Variants in NT5M observed in about 807,000 individuals in gnomAD.
NT5M encodes 5',3'-nucleotidase, mitochondrial.
NT5M carries 22 observed loss-of-function variants against 22.2 expected under a neutral mutation model. The ratio of observed to expected loss-of-function variants is 0.99; its 90% confidence interval spans 0.71 to 1.41. The LOEUF is 1.41. Among genes scored for constraint, NT5M ranks in the 40% most tolerant of loss-of-function variants. The pLI is 0.00. For missense variants in NT5M, 322 were observed against 314.8 expected (o/e 1.02, Z -0.17); for synonymous variants, 167 against 133.0 (o/e 1.26, Z -1.76).
chr17:17,306,659 C>T lies in NT5M; in HGVS notation c.368+16C>T. 1 of 1,567,466 alleles carries T rather than the reference C, an allele frequency of 6.4e-7. No individual in the cohort carries two copies. Among genetic ancestry groups the T allele is most frequent in the Non-Finnish European group, 8.8e-7 (1 of 1,137,416 alleles). On this transcript the variant is annotated intron_variant, in intron 2 of 4. Coordinates refer to ENST00000389022, the MANE Select transcript of NT5M (RefSeq NM_020201.4). ...GCCTACAAAAGTAAGTTTGTCCTCC[C>T]AGCCACTCAGTAAGTTTGTCTGAGC... is the stretch of plus-strand genomic sequence containing the variant.
In NT5M at chr17:17,306,364, A is replaced by G. The variant is rs571264427; in HGVS notation, c.268-179A>G. 3.9e-5 allele frequency among the ~76,000 whole-genome samples: 6 copies of G among 152,250 alleles called. 1 individual carries two copies. The South Asian group carries it at 1.2e-3, about 32-fold the overall frequency. On this transcript the variant is annotated intron_variant, in intron 1 of 4. Transcript: ENST00000389022. ...CGACGAAGTCAGGTCCTTTCTGGAA[A>G]GGGGTTCGAAGTCCACATACTCTCC...
At chr17:17,312,991 G>T (rs911281081) in intron 2 of NT5M, among the ~76,000 whole-genome samples, 6 of 151,916 alleles carry the variant, frequency 3.9e-5, no homozygotes, top group African/African-American at 1.4e-4. Context: ...GATATTCTAG[G>T]CCGGGTGCTG....
chr17:17,330,379 CTTT>C (rs35267848), intron 3 of NT5M, among the ~76,000 whole-genome samples: 1 of 138,620 alleles, frequency 7.2e-6, no homozygotes. Flanking sequence ...AAAACGTAGA[CTTT>C]TTTTTTTTTT....
chr17:17,316,883 T>G (rs2049040442), intron 2 of NT5M, among the ~76,000 whole-genome samples: 1 of 151,090 alleles, frequency 6.6e-6, no homozygotes, highest in Non-Finnish European at 1.5e-5. Flanking sequence ...CCTGGCTAAT[T>G]TTTTGTATTT....
intron 3 of NT5M, among the ~76,000 whole-genome samples, chr17:17,339,808 G>C (rs1000371979): frequency 6.6e-6 from 1 of 152,118 alleles, no homozygotes; most frequent in African/African-American, 2.4e-5. Flanking sequence ...AACTATCCTG[G>C]AATCCCTGGG....
At chr17:17,304,575 C>A (rs2048751889) in intron 1 of NT5M, 1 of 289,548 alleles carries the variant, frequency 3.5e-6, no homozygotes, top group South Asian at 1.3e-4. Context: ...TGATTGGCCA[C>A]CTAGGGTTGC....
intron 3 of NT5M, among the ~76,000 whole-genome samples, chr17:17,331,141 A>G (rs541504978): frequency 6.6e-6 from 1 of 151,708 alleles, no homozygotes; most frequent in African/African-American, 2.4e-5. Context: ...TTCTCTTGGC[A>G]TGTAAAGAAA....
At chr17:17,341,966 G>A (rs1200539588) in intron 3 of NT5M, among the ~76,000 whole-genome samples, 2 of 152,062 alleles carry the variant, frequency 1.3e-5, no homozygotes, top group Non-Finnish European at 2.9e-5. Flanking sequence ...GGGAGGTGGA[G>A]GTTGCAGTGA....
At chr17:17,330,063 G>A (rs942509927) in intron 3 of NT5M, among the ~76,000 whole-genome samples, 1 of 152,134 alleles carries the variant, frequency 6.6e-6, no homozygotes, top group South Asian at 2.1e-4. Flanking sequence ...CACTTTGGGA[G>A]GCCGAGGTGG....
chr17:17,312,674 C>G (rs1405841586), intron 2 of NT5M, among the ~76,000 whole-genome samples: 1 of 150,610 alleles, frequency 6.6e-6, no homozygotes, highest in Non-Finnish European at 1.5e-5. Context: ...GTATTCTAGC[C>G]TGGGTGGGGT....
At chr17:17,336,902 T>G (rs1007977473) in intron 3 of NT5M, among the ~76,000 whole-genome samples, 1 of 152,234 alleles carries the variant, frequency 6.6e-6, no homozygotes, top group Non-Finnish European at 1.5e-5. Context: ...TCAGTTGATG[T>G]ACACTGAGGT....
chr17:17,329,611 T>G (rs1242563970), intron 3 of NT5M, among the ~76,000 whole-genome samples: 1 of 152,204 alleles, frequency 6.6e-6, no homozygotes, highest in African/African-American at 2.4e-5. Context: ...TGTGCTCTTC[T>G]GATTTGAAGT....
chr17:17,311,510 T>C (rs1056489436), intron 2 of NT5M, among the ~76,000 whole-genome samples: 2 of 152,298 alleles, frequency 1.3e-5, no homozygotes, highest in African/African-American at 4.8e-5. Flanking sequence ...CCCACTGTAT[T>C]GTATTCACAC....
At chr17:17,314,480 G>A (rs781735245) in intron 2 of NT5M, among the ~76,000 whole-genome samples, 3 of 152,092 alleles carry the variant, frequency 2.0e-5, no homozygotes, top group Non-Finnish European at 2.9e-5. Flanking sequence ...CTTTTGAAGT[G>A]CACCCCCCTA....
intron 3 of NT5M, among the ~76,000 whole-genome samples, chr17:17,338,677 GTTTT>G (rs59650601): frequency 5.2e-4 from 38 of 73,212 alleles, no homozygotes; most frequent in African/African-American, 1.5e-3. Context: ...AATGTTAAGG[GTTTT>G]TTTTTTTTTT....
At chr17:17,340,660 G>A (rs540058898) in intron 3 of NT5M, among the ~76,000 whole-genome samples, 9 of 152,002 alleles carry the variant, frequency 5.9e-5, no homozygotes, top group African/African-American at 1.9e-4. Flanking sequence ...TCGAGTAGCT[G>A]GGACTACAGG....
chr17:17,310,166 A>G (rs1383838053), intron 2 of NT5M, among the ~76,000 whole-genome samples: 2 of 152,136 alleles, frequency 1.3e-5, no homozygotes, highest in Non-Finnish European at 2.9e-5. Flanking sequence ...AATTGAAATG[A>G]AAGTCTACAG....
intron 3 of NT5M, among the ~76,000 whole-genome samples, chr17:17,338,751 G>A (rs2049577085): frequency 8.2e-6 from 1 of 122,102 alleles, no homozygotes. Flanking sequence ...TTTTGAGATG[G>A]AGTCTTACTC....
In NT5M at chr17:17,306,579, T is replaced by G; in HGVS notation, c.304T>G (p.Phe102Val). The change falls in exon 2 of 5, where the codon TTT becomes GTT. Residue 102 changes from phenylalanine to valine, a missense_variant. Coordinates refer to ENST00000389022, the MANE Select transcript of NT5M (RefSeq NM_020201.4). ...AISIWESKNF[F>V]FELEPLPGAV... ...CAGCATTTGGGAGTCAAAGAATTTC[T>G]TTTTTGAACTTGAGCCTCTGCCAGG... 1 of 1,613,954 alleles carries G rather than the reference T, an allele frequency of 6.2e-7. No homozygotes were observed. Among genetic ancestry groups the G allele is most frequent in the Non-Finnish European group, 8.5e-7 (1 of 1,179,942 alleles).
Sources: gnomAD v4.1 joint callset for allele counts (sites outside exome capture counted in the v4.1 genomes callset) on GRCh38, gnomAD v4.1.1 for gene constraint, MANE v1.5 for transcripts, NCBI Gene and HGNC (gene_info 2026-07-23, HGNC 2026-07-21) for gene names.